Variants in P2RY8 observed in about 807,000 individuals in gnomAD.
The protein encoded by P2RY8 is S-geranylgeranyl-glutathione receptor P2RY8.
A neutral mutation model predicts 10.0 loss-of-function variants in P2RY8; 6 were observed. The observed-to-expected ratio is 0.60, with a 90% CI of 0.33 to 1.19. The LOEUF (loss-of-function observed/expected upper bound fraction) is 1.19. Ranked by LOEUF, P2RY8 falls within the 50% of genes most tolerant of loss-of-function variation. The pLI, the probability that P2RY8 is intolerant of heterozygous loss-of-function variation, is 0.04. For missense variants in P2RY8, 456 were observed against 542.0 expected (o/e 0.84, Z 1.58); for synonymous variants, 276 against 252.5 (o/e 1.09, Z -0.88).
chrX:1,497,282 T>G (rs1487829088), intron 1 of P2RY8, among the ~76,000 whole-genome samples: 1 of 145,402 alleles, frequency 6.9e-6, no homozygotes, highest in Non-Finnish European at 1.5e-5. Flanking sequence ...CAGAGAGAGA[T>G]CAATGTTTTT....
In P2RY8 at chrX:1,465,740, G is replaced by A. The variant is rs2091660265; in HGVS notation, c.819C>T (p.His273=). The change falls in exon 2 of 2, where the codon CAC becomes CAT. Residue 273 remains histidine, a synonymous_variant. Coordinates refer to ENST00000381297, the MANE Select transcript of P2RY8 (RefSeq NM_178129.5). Reference sequence around the variant, plus strand: ...TGAGACACAGCGTGAGCTTGTACACGTGGTAGTAGCTCTTGCCGTAGAACA... The same window carrying A: ...TGAGACACAGCGTGAGCTTGTACACATGGTAGTAGCTCTTGCCGTAGAACA... ...SRLFYGKSYY[H]VYKLTLCLSC... The A allele has an allele frequency of 1.2e-6, 2 of 1,613,596 alleles. No homozygotes were observed. The highest frequency in any genetic ancestry group is 1.7e-6 in the Non-Finnish European group (2 of 1,179,854).
In P2RY8 at chrX:1,503,490, G is replaced by C. The variant is rs756755995; in HGVS notation, c.-25+33431C>G. On this transcript the variant is annotated intron_variant, in intron 1 of 1. Coordinates refer to ENST00000381297, the MANE Select transcript of P2RY8 (RefSeq NM_178129.5). ...AAAATACAACTGCCAGCTGGGCGTA[G>C]TGGTTCACACCTGTCATCCCAGCAC... Among the ~76,000 whole-genome samples, 38 of 152,358 alleles carry C rather than the reference G, an allele frequency of 2.5e-4. 1 individual carries two copies. Among genetic ancestry groups the C allele is most frequent in the African/African-American group, 8.4e-4 (35 of 41,590 alleles).
chrX:1,497,719 C>T (rs1260976316), intron 1 of P2RY8, among the ~76,000 whole-genome samples: 7 of 151,998 alleles, frequency 4.6e-5, no homozygotes, highest in Non-Finnish European at 7.4e-5. Context: ...TTTGTTATTA[C>T]GCCTGGCATC....
intron 1 of P2RY8, among the ~76,000 whole-genome samples, chrX:1,516,199 G>GA (rs1428267276): frequency 3.0e-5 from 2 of 67,142 alleles, no homozygotes; most frequent in Admixed American, 4.0e-4. Context: ...CTCCACCTCA[G>GA]AAAAACAAAA....
rs1470035825 is a variant in P2RY8, at chrX:1,524,681, C to T, written c.-25+12240G>A. On this transcript the variant is annotated intron_variant, in intron 1 of 1. Transcript: ENST00000381297. The stretch of plus-strand genomic sequence containing the variant: ...TCCATCCATCCATTCATCCATCCAT[C>T]CATCCATCCATCCATCCATCCATCC... 1.6e-3 allele frequency among the ~76,000 whole-genome samples: 183 copies of T among 118,060 alleles called. 10 individuals carry two copies. The highest frequency in any genetic ancestry group is 4.6e-3 in the Middle Eastern group (1 of 218). 77.5% of individuals were successfully genotyped at this position (118,060 alleles called of 152,430 possible).
intron 1 of P2RY8, among the ~76,000 whole-genome samples, chrX:1,476,961 G>C (rs2091881385): frequency 6.6e-6 from 1 of 152,120 alleles, no homozygotes; most frequent in South Asian, 2.1e-4. Flanking sequence ...GGCCGAGGTG[G>C]GTGGATCACC....
chrX:1,468,529 C>G (rs755440324), intron 1 of P2RY8, among the ~76,000 whole-genome samples: 1 of 152,172 alleles, frequency 6.6e-6, no homozygotes, highest in Non-Finnish European at 1.5e-5. Flanking sequence ...TGCCCTGACA[C>G]AGGAGGCACA....
chrX:1,500,873 C>T (rs1460772652), intron 1 of P2RY8, among the ~76,000 whole-genome samples: 1 of 152,092 alleles, frequency 6.6e-6, no homozygotes, highest in East Asian at 1.9e-4. Context: ...CCAGGAAAGC[C>T]CCCAGCAGCA....
intron 1 of P2RY8, among the ~76,000 whole-genome samples, chrX:1,481,939 C>T (rs1322505914): frequency 6.6e-6 from 1 of 152,136 alleles, no homozygotes; most frequent in Non-Finnish European, 1.5e-5. Flanking sequence ...TTGCATCACC[C>T]AACGAAGCAG....
At chrX:1,479,790 T>C (rs2091914347) in intron 1 of P2RY8, among the ~76,000 whole-genome samples, 1 of 152,134 alleles carries the variant, frequency 6.6e-6, no homozygotes, top group African/African-American at 2.4e-5. Flanking sequence ...AAGTTACTAA[T>C]ACTGTAAATG....
At chrX:1,467,967 C>T (rs1367813206) in intron 1 of P2RY8, among the ~76,000 whole-genome samples, 1 of 150,908 alleles carries the variant, frequency 6.6e-6, no homozygotes, top group African/African-American at 2.4e-5. Flanking sequence ...GTGACAGTAC[C>T]TCCGTGCCCA....
At chrX:1,515,944 G>GTTTT (rs1419189228) in intron 1 of P2RY8, among the ~76,000 whole-genome samples, 1 of 59,362 alleles carries the variant, frequency 1.7e-5, no homozygotes, top group East Asian at 2.2e-3. Context: ...GAGGCCGAGG[G>GTTTT]GTCGGGGGGT....
At position 1,462,858 on chromosome X, in the gene P2RY8, T is replaced by A; in HGVS notation, c.*2621A>T. On this transcript the variant is annotated 3_prime_UTR_variant, in exon 2 of 2. Coordinates refer to ENST00000381297, the MANE Select transcript of P2RY8 (RefSeq NM_178129.5). The stretch of plus-strand genomic sequence containing the variant: ...GTGAGTCAATAGACCTGTGTTATCT[T>A]TTCACTCAAAGCTCAACCAGTGAAC... 1 of 233,074 alleles carries A rather than the reference T, an allele frequency of 4.3e-6. No individual in the cohort carries two copies. Among genetic ancestry groups the A allele is most frequent in the Non-Finnish European group, 8.5e-6 (1 of 117,994 alleles). The allele number at this position is 233,074 out of a possible 1,614,324, so 14.4% of individuals were successfully genotyped here. A position where few individuals can be genotyped will look rare whatever the true frequency, so the allele number is the denominator to read the frequency against.
At chrX:1,535,693 CCA>C (rs779177116) in intron 1 of P2RY8, among the ~76,000 whole-genome samples, 1,497 of 125,800 alleles carry the variant, frequency 0.012, 19 homozygotes, top group African/African-American at 0.04. Flanking sequence ...GAAGAAACAA[CCA>C]CACACACACA....
chrX:1,468,837 TCACCCCTCCCCTTCC>T (rs1260673209), intron 1 of P2RY8, among the ~76,000 whole-genome samples: 1 of 1,308 alleles, frequency 7.6e-4, no homozygotes, highest in African/African-American at 2.4e-3. Flanking sequence ...CCCTCTCCCC[TCACCCCTCCCCTTCC>T]CTCTCCCCTC....
At chrX:1,523,712 T>C (rs1246748633) in intron 1 of P2RY8, among the ~76,000 whole-genome samples, 1 of 152,174 alleles carries the variant, frequency 6.6e-6, no homozygotes, top group Admixed American at 6.6e-5. Context: ...AGACGGAGCC[T>C]CCCTCTGTCG....
intron 1 of P2RY8, among the ~76,000 whole-genome samples, chrX:1,499,041 C>G (rs1233057155): frequency 2.6e-5 from 4 of 151,826 alleles, no homozygotes; most frequent in Admixed American, 2.6e-4. Flanking sequence ...CACCATGTTG[C>G]CCAGGCTGAT....
At chrX:1,515,567 C>G (rs2092340440) in intron 1 of P2RY8, among the ~76,000 whole-genome samples, 2 of 151,342 alleles carry the variant, frequency 1.3e-5, no homozygotes, top group South Asian at 4.2e-4. Context: ...GATGGGATTT[C>G]TCCATGTTGC....
chrX:1,512,094 T>A (rs1196245849), intron 1 of P2RY8, among the ~76,000 whole-genome samples: 1 of 151,700 alleles, frequency 6.6e-6, no homozygotes, highest in Non-Finnish European at 1.5e-5. Context: ...CTGTCCAGGG[T>A]CTCCTGTGTA....
Sources: gnomAD v4.1 joint callset for allele counts (sites outside exome capture counted in the v4.1 genomes callset) on GRCh38, gnomAD v4.1.1 for gene constraint, MANE v1.5 for transcripts, NCBI Gene and HGNC (gene_info 2026-07-23, HGNC 2026-07-21) for gene names.